The following CRCP variants were observed in gnomAD, a reference collection of about 807,000 sequenced individuals.
CRCP encodes DNA-directed RNA polymerase III subunit RPC9.
A neutral mutation model predicts 18.5 loss-of-function variants in CRCP; 18 were observed. The observed-to-expected ratio is 0.97, with a 90% CI of 0.67 to 1.44. CRCP has a LOEUF of 1.44. Among genes scored for constraint, CRCP ranks in the 40% most tolerant of loss-of-function variants. The pLI is 0.00. For missense variants in CRCP, 130 were observed against 176.4 expected (o/e 0.74, Z 1.49); for synonymous variants, 53 against 62.9 (o/e 0.84, Z 0.75).
At chr7:66,126,267 T>C (rs1787615600) in intron 1 of CRCP, among the ~76,000 whole-genome samples, 2 of 149,304 alleles carry the variant, frequency 1.3e-5, no homozygotes, top group South Asian at 4.3e-4. Flanking sequence ...GACTCGGAAG[T>C]CACCTATCTG....
At chr7:66,137,540 A>G (rs752947233) in intron 4 of CRCP, among the ~76,000 whole-genome samples, 3 of 152,226 alleles carry the variant, frequency 2.0e-5, no homozygotes, top group Non-Finnish European at 4.4e-5. Context: ...ATTAAGGGAA[A>G]ACAGTCAGTC....
intron 5 of CRCP, among the ~76,000 whole-genome samples, chr7:66,150,143 C>T (rs4612218): frequency 0.65 from 97,162 of 150,244 alleles, 31,777 homozygotes; most frequent in African/African-American, 0.74. Flanking sequence ...TGGCCGGGCG[C>T]GGTGGCTAAC....
At chr7:66,143,281 A>G (rs555038660) in intron 4 of CRCP, among the ~76,000 whole-genome samples, 1 of 152,330 alleles carries the variant, frequency 6.6e-6, no homozygotes, top group South Asian at 2.1e-4. Context: ...GTCTTCCCAA[A>G]TCGCTGCCAG....
intron 1 of CRCP, among the ~76,000 whole-genome samples, chr7:66,121,466 T>A (rs566139544): frequency 2.0e-5 from 3 of 152,156 alleles, no homozygotes; most frequent in Admixed American, 2.0e-4. Context: ...CATACAATTT[T>A]TTTTTTTTTT....
At chr7:66,129,024 C>A (rs1176841195) in intron 2 of CRCP, among the ~76,000 whole-genome samples, 4 of 152,036 alleles carry the variant, frequency 2.6e-5, no homozygotes, top group African/African-American at 4.8e-5. Context: ...CCTAGCAAGA[C>A]CCCCAGCTCT....
chr7:66,118,434 T>G (rs954934254), intron 1 of CRCP, among the ~76,000 whole-genome samples: 2 of 152,220 alleles, frequency 1.3e-5, no homozygotes, highest in African/African-American at 4.8e-5. Context: ...GTTTGGAGGG[T>G]GGGGACCAGT....
At chr7:66,116,288 A>T (rs1787259292) in intron 1 of CRCP, among the ~76,000 whole-genome samples, 1 of 151,798 alleles carries the variant, frequency 6.6e-6, no homozygotes, top group Non-Finnish European at 1.5e-5. Context: ...TGAACCTGGG[A>T]GGTGGAGACC....
intron 1 of CRCP, among the ~76,000 whole-genome samples, chr7:66,122,113 C>G (rs1252131243): frequency 3.9e-5 from 6 of 152,162 alleles, no homozygotes; most frequent in Non-Finnish European, 8.8e-5. Context: ...CAGTGGCTCA[C>G]GCCTGTAATC....
intron 2 of CRCP, chr7:66,128,797 T>A (rs1184224586): frequency 6.6e-6 from 1 of 152,186 alleles, no homozygotes; most frequent in South Asian, 2.1e-4. Context: ...TATTTGGCAC[T>A]AGCAAAACCA....
intron 1 of CRCP, among the ~76,000 whole-genome samples, chr7:66,124,309 G>A (rs1164222282): frequency 6.6e-6 from 1 of 151,688 alleles, no homozygotes; most frequent in Admixed American, 6.6e-5. Flanking sequence ...GCAGCGAGCC[G>A]AGATCGCACC....
At chr7:66,134,096 G>A (rs1398322938) in intron 3 of CRCP, among the ~76,000 whole-genome samples, 184 bp from the exon 4 acceptor site, 26 of 151,858 alleles carry the variant, frequency 1.7e-4, no homozygotes, top group East Asian at 5.8e-4. Flanking sequence ...CTGACCTCAG[G>A]TGATTTGGCC....
intron 4 of CRCP, among the ~76,000 whole-genome samples, chr7:66,137,351 T>C (rs79717847): frequency 0.015 from 2,280 of 152,290 alleles, 60 homozygotes; most frequent in East Asian, 0.093. Flanking sequence ...TAGGAACTTT[T>C]TTAGTGTATT....
At chr7:66,115,461 C>A (rs1787230644) in intron 1 of CRCP, among the ~76,000 whole-genome samples, 1 of 152,056 alleles carries the variant, frequency 6.6e-6, no homozygotes, top group South Asian at 2.1e-4. Context: ...GCAGTAAACA[C>A]TGTGAGGGAA....
At chr7:66,144,043 A>T (rs907924633) in intron 4 of CRCP, among the ~76,000 whole-genome samples, 2 of 152,170 alleles carry the variant, frequency 1.3e-5, no homozygotes, top group African/African-American at 2.4e-5. Context: ...TTAATGCGAT[A>T]AATACTTACT....
At chr7:66,135,163 C>G (rs868758125) in intron 4 of CRCP, among the ~76,000 whole-genome samples, 5 of 152,174 alleles carry the variant, frequency 3.3e-5, no homozygotes, top group Admixed American at 6.5e-5. Flanking sequence ...TTGGTTCTTA[C>G]AGACGCAGTG....
chr7:66,125,457 TA>T lies in CRCP; in HGVS notation c.9-2240del, dbSNP rs562235201. On this transcript the variant is annotated intron_variant, in intron 1 of 5. Transcript: ENST00000395326. ...ATTCTGTGAATATTTAGCTGGGTTT[TA>T]AAAAAATTTATCTTCCTGATAAAAT... Among the ~76,000 whole-genome samples, 241 of 149,534 alleles carry T rather than the reference TA, an allele frequency of 1.6e-3. 3 individuals carry two copies. The highest frequency in any genetic ancestry group is 5.6e-3 in the African/African-American group (233 of 41,386).
At chr7:66,132,673 T>TG (rs1381372311) in intron 3 of CRCP, among the ~76,000 whole-genome samples, 1 of 152,102 alleles carries the variant, frequency 6.6e-6, no homozygotes, top group Non-Finnish European at 1.5e-5. Flanking sequence ...CCCAGCACTT[T>TG]GGGAGGCCGA....
At chr7:66,122,955 CTTTT>C (rs199515487) in intron 1 of CRCP, among the ~76,000 whole-genome samples, 19 of 118,740 alleles carry the variant, frequency 1.6e-4, no homozygotes, top group Admixed American at 1.8e-4. Context: ...TTCTTTCTTT[CTTTT>C]TTTTTTTTTT....
intron 1 of CRCP, among the ~76,000 whole-genome samples, chr7:66,117,032 A>G (rs1216619357): frequency 6.6e-6 from 1 of 151,624 alleles, no homozygotes; most frequent in Non-Finnish European, 1.5e-5. Context: ...GAGGCAGGAG[A>G]ATCGCTTGAA....
Sources: gnomAD v4.1 joint callset for allele counts (sites outside exome capture counted in the v4.1 genomes callset) on GRCh38, gnomAD v4.1.1 for gene constraint, MANE v1.5 for transcripts, NCBI Gene and HGNC (gene_info 2026-07-23, HGNC 2026-07-21) for gene names.